CPA6: variants seen among roughly 807,000 people sequenced by gnomAD.
The protein encoded by CPA6 is carboxypeptidase B.
CPA6 carries 58 observed loss-of-function variants against 63.3 expected under a neutral mutation model. The observed-to-expected ratio is 0.92, with a 90% confidence interval of 0.74 to 1.14. The LOEUF (loss-of-function observed/expected upper bound fraction) is 1.14. Among genes scored for constraint, CPA6 ranks in the 50% most tolerant of loss-of-function variants. CPA6 has a pLI of 0.00. For synonymous variants in CPA6, 185 were observed against 179.0 expected (o/e 1.03, Z -0.27); for missense variants, 565 against 526.6 (o/e 1.07, Z -0.71).
chr8:67,475,910 C>CT (rs1412041022), intron 8 of CPA6, among the ~76,000 whole-genome samples: 2 of 92,488 alleles, frequency 2.2e-5, no homozygotes, highest in African/African-American at 1.0e-4. Flanking sequence ...TTCTTTCTTT[C>CT]TTTCTTTCTT....
chr8:67,742,509 C>T (rs770875743), intron 1 of CPA6, among the ~76,000 whole-genome samples: 2 of 152,112 alleles, frequency 1.3e-5, no homozygotes, highest in African/African-American at 2.4e-5. Flanking sequence ...TTCATTTAGC[C>T]TATTTGTAAA....
At chr8:67,625,439 G>A (rs1815174392) in intron 1 of CPA6, among the ~76,000 whole-genome samples, 1 of 152,182 alleles carries the variant, frequency 6.6e-6, no homozygotes, top group African/African-American at 2.4e-5. Context: ...GTTTCTCTTT[G>A]GGGGCCTTGT....
At chr8:67,456,358 ATTGCCCAAAC>A (rs1428049891) in intron 8 of CPA6, among the ~76,000 whole-genome samples, 78 of 152,290 alleles carry the variant, frequency 5.1e-4, no homozygotes, top group Non-Finnish European at 1.1e-3. Context: ...ATGGCACCTG[ATTGCCCAAAC>A]CAGAAATCAT....
At chr8:67,617,449 G>A (rs1157054701) in intron 2 of CPA6, among the ~76,000 whole-genome samples, 1 of 152,114 alleles carries the variant, frequency 6.6e-6, no homozygotes, top group African/African-American at 2.4e-5. Context: ...AAAAGTCAGT[G>A]TTCTTTCATT....
At chr8:67,680,283 C>T (rs1025321922) in intron 1 of CPA6, among the ~76,000 whole-genome samples, 4 of 152,020 alleles carry the variant, frequency 2.6e-5, no homozygotes, top group Non-Finnish European at 5.9e-5. Flanking sequence ...GCGTGGATTG[C>T]TTGAGCCCAG....
chr8:67,479,902 A>G (rs1811320908), intron 8 of CPA6, among the ~76,000 whole-genome samples: 1 of 151,886 alleles, frequency 6.6e-6, no homozygotes, highest in South Asian at 2.1e-4. Context: ...CCCAATTTGT[A>G]ATGGTTTCTC....
intron 2 of CPA6, among the ~76,000 whole-genome samples, chr8:67,532,724 A>T (rs1027477540): frequency 3.9e-5 from 6 of 152,266 alleles, no homozygotes; most frequent in Admixed American, 3.9e-4. Context: ...TCCTAGGAAA[A>T]CATAATTTAC....
intron 8 of CPA6, among the ~76,000 whole-genome samples, chr8:67,480,227 T>G (rs1457918266): frequency 6.6e-6 from 1 of 152,142 alleles, no homozygotes; most frequent in Non-Finnish European, 1.5e-5. Context: ...TATTATGAAA[T>G]TCACCCTTTT....
rs555372121 is a variant in CPA6, at chr8:67,581,712, T to C, written c.192+42464A>G. Reference sequence around the variant, plus strand: ...ATTGGACTGGCTGTCCCCCAACTCATGTGAGTGTAAATAGGTCAGCCACTA... The same window carrying C: ...ATTGGACTGGCTGTCCCCCAACTCACGTGAGTGTAAATAGGTCAGCCACTA... On this transcript the variant is annotated intron_variant, in intron 2 of 10. Coordinates refer to ENST00000297770, the MANE Select transcript of CPA6 (RefSeq NM_020361.5). Among the ~76,000 whole-genome samples the C allele has an allele frequency of 2.6e-5, 4 of 152,312 alleles. No homozygotes were observed. The South Asian group carries it at 8.3e-4, about 32-fold the overall frequency.
intron 3 of CPA6, among the ~76,000 whole-genome samples, chr8:67,515,740 T>G (rs1393085488): frequency 1.3e-5 from 2 of 152,238 alleles, no homozygotes; most frequent in African/African-American, 4.8e-5. Flanking sequence ...CTACCTGTTC[T>G]TGACTGCACC....
In CPA6 at chr8:67,571,198, A is replaced by G. The variant is rs138441808; in HGVS notation, c.192+52978T>C. Among the ~76,000 whole-genome samples the G allele has an allele frequency of 6.0e-3, 920 of 152,330 alleles. 7 individuals carry two copies. The highest frequency in any genetic ancestry group is 0.021 in the African/African-American group (858 of 41,578). ...ACTCCACAGTGGAGCACCTAAATAT[A>G]TAAAGCAAATATTAACGGATCTGAA... On this transcript the variant is annotated intron_variant, in intron 2 of 10. Transcript: ENST00000297770.
intron 2 of CPA6, among the ~76,000 whole-genome samples, chr8:67,595,093 C>G (rs971973326): frequency 2.0e-5 from 3 of 152,168 alleles, no homozygotes; most frequent in African/African-American, 4.8e-5. Context: ...AGTTTTCCTT[C>G]TAACAGACAG....
At chr8:67,634,395 T>A (rs1815421891) in intron 1 of CPA6, among the ~76,000 whole-genome samples, 1 of 151,002 alleles carries the variant, frequency 6.6e-6, no homozygotes, top group Non-Finnish European at 1.5e-5. Context: ...ATTTTTTGTA[T>A]TTTTAGTGGA....
At chr8:67,446,109 A>G (rs1029792366) in intron 8 of CPA6, among the ~76,000 whole-genome samples, 11 of 152,054 alleles carry the variant, frequency 7.2e-5, no homozygotes, top group African/African-American at 2.4e-4. Context: ...CTAAAAAAAT[A>G]CAAAAAATTA....
rs565952861 is a variant in CPA6, at chr8:67,729,541, G to A, written c.116+16473C>T. 3.9e-5 allele frequency among the ~76,000 whole-genome samples: 6 copies of A among 152,274 alleles called. No homozygotes were observed. In the East Asian group the frequency reaches 9.7e-4, roughly 25 times the overall value. On this transcript the variant is annotated intron_variant, in intron 1 of 10. Coordinates refer to ENST00000297770, the MANE Select transcript of CPA6 (RefSeq NM_020361.5). ...AGTTCCTTCCCCCAAAGAGAGTACAGCTTGGTCAGGAAGAATAAACAATTA... is the reference window on the plus strand; with the variant it reads ...AGTTCCTTCCCCCAAAGAGAGTACAACTTGGTCAGGAAGAATAAACAATTA...
chr8:67,730,275 G>C (rs185910885), intron 1 of CPA6, among the ~76,000 whole-genome samples: 1 of 152,150 alleles, frequency 6.6e-6, no homozygotes, highest in African/African-American at 2.4e-5. Flanking sequence ...ACAGAACTTA[G>C]GAAAACACTT....
intron 2 of CPA6, among the ~76,000 whole-genome samples, chr8:67,604,216 G>A (rs1587623313): frequency 6.6e-6 from 1 of 152,300 alleles, no homozygotes; most frequent in Admixed American, 6.5e-5. Context: ...AACAGATTGT[G>A]TAAGAGAATA....
intron 2 of CPA6, among the ~76,000 whole-genome samples, chr8:67,561,615 T>C (rs1166170839): frequency 6.6e-6 from 1 of 152,140 alleles, no homozygotes; most frequent in Non-Finnish European, 1.5e-5. Flanking sequence ...CTTAATCCTA[T>C]TGTGTGATTC....
intron 1 of CPA6, among the ~76,000 whole-genome samples, chr8:67,700,987 T>C (rs1016158072): frequency 6.6e-6 from 1 of 152,194 alleles, no homozygotes; most frequent in Non-Finnish European, 1.5e-5. Context: ...GACTTTAGAA[T>C]ATTATAGACA....
Sources: allele counts gnomAD v4.1 joint callset (sites outside exome capture counted in the v4.1 genomes callset), GRCh38; gene constraint gnomAD v4.1.1; transcripts MANE v1.5; gene names NCBI Gene and HGNC (gene_info 2026-07-23, HGNC 2026-07-21).